Variants in CPT1B observed in about 807,000 individuals in gnomAD.
CPT1B encodes carnitine palmitoyltransferase 1B.
Under a neutral mutation model 92.7 loss-of-function variants are expected in CPT1B, and 57 were observed. The ratio of observed to expected loss-of-function variants is 0.62; its 90% CI spans 0.50 to 0.77. The LOEUF (loss-of-function observed/expected upper bound fraction) is 0.77, where lower values mean the gene tolerates loss of function less well. Among genes scored for constraint, CPT1B ranks in the 30% least tolerant of loss-of-function variants. The pLI is 0.00. For missense variants in CPT1B, 983 were observed against 1,017.4 expected (o/e 0.97, Z 0.46); for synonymous variants, 398 against 383.5 (o/e 1.04, Z -0.44).
intron 13 of CPT1B, chr22:50,571,758 G>A (rs2070185824): frequency 3.1e-6 from 2 of 649,118 alleles, no homozygotes; most frequent in Non-Finnish European, 5.3e-6. Flanking sequence ...ATGCTCCAGG[G>A]GCCTGTGAGT....
rs776580440 is a variant in CPT1B, at chr22:50,574,334, C to T, written c.970+1G>A. On this transcript the variant is annotated splice_donor_variant, in intron 9 of 19. Transcript: ENST00000312108. LOFTEE classifies it high-confidence loss of function. ...AGGTAGCAGCGAGGGGGCTCAGTTA[C>T]CTGTGTCCTTGCCCGGGATCCGAGT... 3.2e-5 allele frequency: 51 copies of T among 1,611,292 alleles called. 1 individual carries two copies. The South Asian group carries it at 5.6e-4, about 18-fold the overall frequency.
At position 50,571,002 on chromosome 22, in the gene CPT1B, C is replaced by T. The variant is rs757737633; in HGVS notation, c.1917G>A (p.Lys639=). Residue 639 remains lysine, a synonymous_variant, in exon 16 of 20, where the codon AAG becomes AAA. Coordinates refer to ENST00000312108, the MANE Select transcript of CPT1B (RefSeq NM_152246.3). ...TGGCCAGGCGGTACATATTCTGGTG[C>T]TTCTTAGCAGCCTTCTGGAAGAGAT... ...LRDLFQKAAK[K]HQNMYRLAMT... is the part of the protein sequence containing the mutation. The T allele has an allele frequency of 3.1e-6, 5 of 1,614,076 alleles. No individual in the cohort carries two copies. Among genetic ancestry groups the T allele is most frequent in the African/African-American group, 1.3e-5 (1 of 75,074 alleles).
rs779050447 is a variant in CPT1B, at chr22:50,574,371, T to C, written c.934A>G (p.Met312Val). 6.2e-7 allele frequency: 1 copy of C among 1,613,950 alleles called. No individual in the cohort carries two copies. Among genetic ancestry groups the C allele is most frequent in the Non-Finnish European group, 8.5e-7 (1 of 1,179,958 alleles). ...CCCGGGATCCGAGTGGTGTTGAACATCCTCTCCATCTGGTAGGAGCACATA... is the reference window on the plus strand; with the variant it reads ...CCCGGGATCCGAGTGGTGTTGAACACCCTCTCCATCTGGTAGGAGCACATA... The part of the protein sequence containing the change: ...VPMCSYQMER[M>V]FNTTRIPGKD... Residue 312 changes from methionine to valine, a missense_variant, in exon 9 of 20, where the codon ATG becomes GTG. Transcript: ENST00000312108.
intron 3 of CPT1B, 27 bp downstream of exon 3, chr22:50,577,297 C>G: frequency 6.2e-7 from 1 of 1,612,536 alleles, no homozygotes; most frequent in Non-Finnish European, 8.5e-7. Context: ...CTGGTGGCAC[C>G]TGTGCCCTTC....
intron 7 of CPT1B, among the ~76,000 whole-genome samples, chr22:50,575,259 T>G (rs1182050602): frequency 6.6e-6 from 1 of 152,196 alleles, no homozygotes; most frequent in Non-Finnish European, 1.5e-5. Flanking sequence ...TCCACCTGCC[T>G]CGGCCTCCCA....
chr22:50,569,515 G>A lies in CPT1B; in HGVS notation c.2235+61C>T, dbSNP rs549142734. ...TGCCTCCCCAGCCAAAGACACCTGTGTTCCTGGGCAGCCCCAGGTGGCACC... is the reference window on the plus strand; with the variant it reads ...TGCCTCCCCAGCCAAAGACACCTGTATTCCTGGGCAGCCCCAGGTGGCACC... On this transcript the variant is annotated intron_variant, in intron 18 of 19. Transcript: ENST00000312108. 5.0e-6 allele frequency: 8 copies of A among 1,603,946 alleles called. No individual in the cohort carries two copies. The Admixed American group carries it at 1.0e-4, about 20-fold the overall frequency.
intron 9 of CPT1B, 136 bp downstream of exon 9, chr22:50,574,199 G>A (rs1280672726): frequency 1.4e-6 from 1 of 730,782 alleles, no homozygotes; most frequent in Non-Finnish European, 2.4e-6. Context: ...AACAATGGAT[G>A]TCTAGTATCT....
rs764866554 is a variant in CPT1B, at chr22:50,576,616, T to C, written c.481A>G (p.Ser161Gly). 6.2e-7 allele frequency: 1 copy of C among 1,610,672 alleles called. No individual in the cohort carries two copies. The highest frequency in any genetic ancestry group is 1.3e-5 in the African/African-American group (1 of 74,990). The change falls in exon 5 of 20, where the codon AGC becomes GGC. Residue 161 changes from serine to glycine, a missense_variant. Transcript: ENST00000312108. ...IWAMCIRLLS[S>G]RHPMLYSFQT... ...AAGCTGTAGAGCATAGGGTGCCGGC[T>C]GGATAGAAGGCGGATACACATCTGG...
In CPT1B at chr22:50,570,873, C is replaced by T; in HGVS notation, c.2028+18G>A. 1 of 1,611,330 alleles carries T rather than the reference C, an allele frequency of 6.2e-7. No homozygotes were observed. The highest frequency in any genetic ancestry group is 1.1e-5 in the South Asian group (1 of 90,978). On this transcript the variant is annotated intron_variant, in intron 16 of 19. Transcript: ENST00000312108. Reference sequence around the variant, plus strand: ...GGAGGGCAGTGGGACAAAGGACACACCCAACAACGGTGCTGACCTCAGCAA... The same window carrying T: ...GGAGGGCAGTGGGACAAAGGACACATCCAACAACGGTGCTGACCTCAGCAA...
At position 50,574,540 on chromosome 22, in the gene CPT1B, C is replaced by A. The variant is rs201673605; in HGVS notation, c.838G>T (p.Ala280Ser). The A allele has an allele frequency of 3.1e-6, 5 of 1,614,104 alleles. No individual in the cohort carries two copies. Among genetic ancestry groups the A allele is most frequent in the Non-Finnish European group, 4.2e-6 (5 of 1,180,026 alleles). The change falls in exon 8 of 20, where the codon GCC becomes TCC. Residue 280 changes from alanine to serine, a missense_variant. Transcript: ENST00000312108. ...QAARLGNIIH[A>S]MIMYRRKLDR... Reference sequence around the variant, plus strand: ...AGTTTACGGCGATACATGATCATGGCGTGGATGATGTTTCCCAGGCGGGCT... The same window carrying A: ...AGTTTACGGCGATACATGATCATGGAGTGGATGATGTTTCCCAGGCGGGCT...
rs775685871 is a variant in CPT1B, at chr22:50,572,243, T to C, written c.1418A>G (p.His473Arg). ...KNGQLGLNAE[H>R]AWADAPIIGH... ...AATGATGGGAGCATCTGCCCACGCA[T>C]GCTCTGCATTGAGACCCAACTGGCC... The change falls in exon 12 of 20, where the codon CAT (histidine) becomes CGT (arginine). Residue 473 changes from histidine (H) to arginine (R), a missense_variant. His to Arg is a conservative substitution (Grantham distance 29). Transcript: ENST00000312108. 6 of 1,613,930 alleles carry C rather than the reference T, an allele frequency of 3.7e-6. No homozygotes were observed. The East Asian group carries it at 1.3e-4, about 36-fold the overall frequency.
chr22:50,569,910 G>C (rs561256065), intron 17 of CPT1B, among the ~76,000 whole-genome samples: 11 of 152,252 alleles, frequency 7.2e-5, no homozygotes, highest in African/African-American at 2.6e-4. Flanking sequence ...AGATCACTCC[G>C]TCTCTCTCCA....
Position 50,577,383 on chromosome 22 carries a change from G to GA in CPT1B, c.221dup (p.Cys75LeufsTer66), listed in dbSNP as rs2070496446. 1 of 1,613,830 alleles carries GA rather than the reference G, an allele frequency of 6.2e-7. No homozygotes were observed. Among genetic ancestry groups the GA allele is most frequent in the Non-Finnish European group, 8.5e-7 (1 of 1,180,002 alleles). ...GCCCCAAGGAGATGTCCACGTTGCAGAAGGAGGAACCCACTGTTGCCATGA... is the reference window on the plus strand; with the variant it reads ...GCCCCAAGGAGATGTCCACGTTGCAGAAAGGAGGAACCCACTGTTGCCATGA... On this transcript the variant is annotated frameshift_variant, in exon 3 of 20. Transcript: ENST00000312108. LOFTEE classifies it high-confidence loss of function.
chr22:50,570,500 C>T (rs571390165), intron 16 of CPT1B, 94 bp from the exon 17 acceptor site: 3 of 1,028,858 alleles, frequency 2.9e-6, no homozygotes, highest in South Asian at 3.3e-5. Flanking sequence ...AGACACGGTT[C>T]TGCTGAGGGT....
Position 50,570,319 on chromosome 22 carries a change from G to C in CPT1B, c.2116C>G (p.Leu706Val). Residue 706 changes from leucine to valine, a missense_variant, in exon 17 of 20, where the codon CTG (leucine) becomes GTG (valine). Coordinates refer to ENST00000312108, the MANE Select transcript of CPT1B (RefSeq NM_152246.3). ...GGGCCAAAGCCACCTCCAGCGCCCA[G>C]GTGATTGGGGTGCTGCTCTGGGTCG... The part of the protein sequence containing the change: ...MFDPEQHPNH[L>V]GAGGGFGPVA... 1 of 1,597,224 alleles carries C rather than the reference G, an allele frequency of 6.3e-7. No individual in the cohort carries two copies. The highest frequency in any genetic ancestry group is 8.6e-7 in the Non-Finnish European group (1 of 1,169,310).
Position 50,572,267 on chromosome 22 carries a change from C to T in CPT1B, c.1394G>A (p.Gly465Asp). 1 of 1,613,946 alleles carries T rather than the reference C, an allele frequency of 6.2e-7. No individual in the cohort carries two copies. Among genetic ancestry groups the T allele is most frequent in the East Asian group, 2.2e-5 (1 of 44,876 alleles). Residue 465 changes from glycine (G) to aspartate (D), a missense_variant, in exon 12 of 20, where the codon GGC (glycine) becomes GAC (aspartate). Physicochemically the swap from Gly to Asp is moderately conservative, Grantham distance 94. Coordinates refer to ENST00000312108, the MANE Select transcript of CPT1B (RefSeq NM_152246.3). ...ATGCTCTGCATTGAGACCCAACTGGCCATTCTTGAAGGAAATGAGAGTGAA... is the reference window on the plus strand; with the variant it reads ...ATGCTCTGCATTGAGACCCAACTGGTCATTCTTGAAGGAAATGAGAGTGAA... ...KSFTLISFKN[G>D]QLGLNAEHAW... is the part of the protein sequence containing the mutation.
Position 50,575,969 on chromosome 22 carries a change from G to C in CPT1B, c.777+66C>G, listed in dbSNP as rs141250193. On this transcript the variant is annotated intron_variant, in intron 7 of 19. Coordinates refer to ENST00000312108, the MANE Select transcript of CPT1B (RefSeq NM_152246.3). ...TACTAGAGCTCTGGGCTGTCCTCCA[G>C]ATCCCTTGCCTTGGAGCTGGGACAG... 3 of 1,502,558 alleles carry C rather than the reference G, an allele frequency of 2.0e-6. No homozygotes were observed. In the African/African-American group the frequency reaches 4.1e-5, roughly 21 times the overall value. The allele number at this position is 1,502,558 out of a possible 1,614,324, so 93.1% of individuals were successfully genotyped here. A position where few individuals can be genotyped will look rare whatever the true frequency, so the allele number is the denominator to read the frequency against.
At chr22:50,575,712 A>G (rs2070398315) in intron 7 of CPT1B, among the ~76,000 whole-genome samples, 1 of 152,192 alleles carries the variant, frequency 6.6e-6, no homozygotes. Flanking sequence ...CTGGGAACCC[A>G]TGGCCAGGAG....
At chr22:50,575,245 G>A (rs913518861) in intron 7 of CPT1B, among the ~76,000 whole-genome samples, 9 of 152,160 alleles carry the variant, frequency 5.9e-5, no homozygotes, top group African/African-American at 1.9e-4. Flanking sequence ...TCCTGACCTT[G>A]TGATCCACCT....
Sources: gnomAD v4.1 joint callset for allele counts (sites outside exome capture counted in the v4.1 genomes callset) on GRCh38, gnomAD v4.1.1 for gene constraint, MANE v1.5 for transcripts, NCBI Gene and HGNC (gene_info 2026-07-23, HGNC 2026-07-21) for gene names.